HDX: variants seen among roughly 807,000 people sequenced by gnomAD.
The protein encoded by HDX is chromosome X open reading frame 43.
Under a neutral mutation model 45.2 loss-of-function variants are expected in HDX, and 19 were observed. That is an observed-to-expected ratio of 0.42 (90% confidence interval 0.29 to 0.62). HDX has a LOEUF of 0.62. Ranked by LOEUF, HDX falls within the 20% of genes least tolerant of loss-of-function variation. The probability of loss-of-function intolerance (pLI) is 0.20; values close to 1 mark genes in which losing one functional copy is unlikely to be tolerated. For synonymous variants in HDX, 188 were observed against 172.8 expected, an observed-to-expected ratio of 1.09 and a Z score of -0.69; for missense variants, 532 against 493.9, an observed-to-expected ratio of 1.08 and a Z score of -0.73.
intron 1 of HDX, among the ~76,000 whole-genome samples, chrX:84,495,726 T>C (rs891729888): frequency 4.5e-5 from 5 of 111,592 alleles, no homozygotes; most frequent in African/African-American, 1.6e-4. Context: ...CAAAGATAGA[T>C]TTTGTCAGTG....
chrX:84,357,594 G>A (rs773571929), intron 6 of HDX, among the ~76,000 whole-genome samples: 3 of 111,875 alleles, frequency 2.7e-5, no homozygotes, highest in Non-Finnish European at 3.8e-5. Flanking sequence ...ACAGATCAAT[G>A]AGGAAATCTT....
At chrX:84,390,575 A>G (rs939626603) in intron 5 of HDX, among the ~76,000 whole-genome samples, 4 of 111,973 alleles carry the variant, frequency 3.6e-5, no homozygotes, top group Non-Finnish European at 7.5e-5. Flanking sequence ...GAATAGCTCC[A>G]GCAATTCACT....
At chrX:84,424,026 A>T (rs773048919) in intron 5 of HDX, among the ~76,000 whole-genome samples, 1 of 111,698 alleles carries the variant, frequency 9.0e-6, no homozygotes, top group African/African-American at 3.2e-5. Flanking sequence ...GAAGAAGTCA[A>T]ATTATGCTTG....
At chrX:84,363,324 T>A (rs2037666509) in intron 5 of HDX, among the ~76,000 whole-genome samples, 1 of 112,356 alleles carries the variant, frequency 8.9e-6, no homozygotes. Flanking sequence ...TAAGATTCTA[T>A]GTAGATTCAA....
At chrX:84,446,666 C>T (rs370634695) in intron 4 of HDX, among the ~76,000 whole-genome samples, 1 of 111,684 alleles carries the variant, frequency 9.0e-6, no homozygotes. Context: ...CTTGTCCTCC[C>T]ATGTAAATAT....
At chrX:84,417,952 T>C (rs889879885) in intron 5 of HDX, among the ~76,000 whole-genome samples, 3 of 112,237 alleles carry the variant, frequency 2.7e-5, no homozygotes, top group African/African-American at 9.7e-5. Flanking sequence ...GGGGCTGGTT[T>C]ATATCCTTTG....
chrX:84,371,572 ATT>A (rs2037895236), intron 5 of HDX, among the ~76,000 whole-genome samples: 1 of 111,473 alleles, frequency 9.0e-6, no homozygotes, highest in Admixed American at 9.6e-5. Flanking sequence ...CGTGCTGGCT[ATT>A]GTTTTGTTCT....
intron 4 of HDX, among the ~76,000 whole-genome samples, chrX:84,467,623 CAAAA>C (rs576047136): frequency 7.7e-5 from 5 of 64,609 alleles, no homozygotes; most frequent in African/African-American, 5.5e-5. Context: ...AAGACTCCGT[CAAAA>C]AAAAAAAAAA....
intron 2 of HDX, among the ~76,000 whole-genome samples, chrX:84,476,672 A>G (rs761266040): frequency 9.0e-6 from 1 of 111,435 alleles, no homozygotes; most frequent in East Asian, 2.8e-4. Context: ...TTTCCAGCAT[A>G]CTGTGTATGG....
intron 6 of HDX, among the ~76,000 whole-genome samples, chrX:84,354,738 TG>T (rs758395269): frequency 3.7e-5 from 4 of 108,386 alleles, no homozygotes; most frequent in East Asian, 5.7e-4. Context: ...AAGAATAATT[TG>T]GGGAAGGGAA....
intron 4 of HDX, among the ~76,000 whole-genome samples, chrX:84,445,315 A>G (rs902353306): frequency 1.6e-4 from 18 of 111,774 alleles, no homozygotes; most frequent in African/African-American, 5.2e-4. Flanking sequence ...AGAATTCAGC[A>G]GTAAGAGACT....
At chrX:84,405,604 T>C (rs1415240216) in intron 5 of HDX, among the ~76,000 whole-genome samples, 1 of 104,176 alleles carries the variant, frequency 9.6e-6, no homozygotes, top group Admixed American at 1.1e-4. Flanking sequence ...TTTTTTTTTT[T>C]TTGCTTTTCT....
At chrX:84,458,929 A>T (rs2148113265) in intron 4 of HDX, among the ~76,000 whole-genome samples, 1 of 112,290 alleles carries the variant, frequency 8.9e-6, no homozygotes, top group South Asian at 3.7e-4. Context: ...GGATTATTTC[A>T]TACTTTTTAG....
chrX:84,337,908 T>C (rs1473474275), intron 7 of HDX, among the ~76,000 whole-genome samples: 1 of 111,184 alleles, frequency 9.0e-6, no homozygotes, highest in African/African-American at 3.3e-5. Flanking sequence ...TAATCCCTTC[T>C]GTTTTAGATT....
intron 7 of HDX, among the ~76,000 whole-genome samples, chrX:84,343,278 G>T (rs930947612): frequency 1.3e-4 from 14 of 110,287 alleles, no homozygotes. Flanking sequence ...TTGAGACAGG[G>T]TGTCACTCTG....
chrX:84,409,885 T>A (rs774287846), intron 5 of HDX, among the ~76,000 whole-genome samples: 94 of 104,063 alleles, frequency 9.0e-4, no homozygotes, highest in African/African-American at 3.0e-3. Flanking sequence ...TAATAAAATT[T>A]AAAAAAAAAG....
At chrX:84,471,531 A>C (rs1220345441) in intron 3 of HDX, among the ~76,000 whole-genome samples, 2 of 108,399 alleles carry the variant, frequency 1.8e-5, no homozygotes, top group East Asian at 5.8e-4. Flanking sequence ...TAGCTTGTGG[A>C]AGGGTATTCT....
intron 5 of HDX, among the ~76,000 whole-genome samples, chrX:84,411,168 G>T (rs1334194629): frequency 9.0e-6 from 1 of 111,444 alleles, no homozygotes. Flanking sequence ...ATTCAGCTTA[G>T]CTCTGACTTT....
chrX:84,411,383 G>C (rs769638888), intron 5 of HDX, among the ~76,000 whole-genome samples: 5 of 111,687 alleles, frequency 4.5e-5, no homozygotes, highest in Non-Finnish European at 9.4e-5. Context: ...TAGTTTCAAA[G>C]AATTTCTTGA....
Sources: gnomAD v4.1 joint callset for allele counts (sites outside exome capture counted in the v4.1 genomes callset) on GRCh38, gnomAD v4.1.1 for gene constraint, MANE v1.5 for transcripts, NCBI Gene and HGNC (gene_info 2026-07-23, HGNC 2026-07-21) for gene names.